Variants in NBAS observed in about 807,000 individuals in gnomAD.
NBAS encodes the protein NAG/BC035112 fusion.
A neutral mutation model predicts 302.5 loss-of-function variants in NBAS; 219 were observed. The ratio of observed to expected loss-of-function variants is 0.72; its 90% CI spans 0.65 to 0.81. NBAS has a LOEUF of 0.81. NBAS is among the 30% of genes least tolerant of loss of function. The pLI, the probability that NBAS is intolerant of heterozygous loss-of-function variation, is 0.00. For synonymous variants in NBAS, 1,118 were observed against 1,021.6 expected (o/e 1.09, Z -1.80); for missense variants, 2,932 against 2,841.6 (o/e 1.03, Z -0.72).
the NBAS span, among the ~76,000 whole-genome samples, chr2:14,867,406 C>CATAAT: frequency 6.6e-6 from 1 of 152,148 alleles, no homozygotes; most frequent in Non-Finnish European, 1.5e-5. Flanking sequence ...GGGGTAAGAC[C>CATAAT]TGAGCAATTG....
the NBAS span, among the ~76,000 whole-genome samples, chr2:15,065,025 A>G: frequency 6.6e-6 from 1 of 152,252 alleles, no homozygotes; most frequent in African/African-American, 2.4e-5. Context: ...AGAAAAAAGC[A>G]TTTGACAAAA....
Position 15,186,786 on chromosome 2 carries a change from T to C in NBAS, c.6667A>G (p.Met2223Val). The C allele has an allele frequency of 6.2e-7, 1 of 1,613,824 alleles. No homozygotes were observed. Among genetic ancestry groups the C allele is most frequent in the Non-Finnish European group, 8.5e-7 (1 of 1,179,950 alleles). ...TTGGTGTTATACAAAGAGCGACACA[T>C]TTTCAAAACTTCATTCCCCAATCCT... ...KEGLGNEVLK[M>V]CRSLYNTKQM... is the part of the protein sequence containing the mutation. The change falls in exon 50 of 52, where the codon ATG (methionine) becomes GTG (valine). Residue 2223 changes from methionine to valine, a missense_variant. Met to Val is a conservative substitution (Grantham distance 21). Transcript: ENST00000281513.
chr2:14,943,536 G>A, the NBAS span, among the ~76,000 whole-genome samples: 6 of 152,146 alleles, frequency 3.9e-5, no homozygotes, highest in African/African-American at 1.4e-4. Flanking sequence ...AACATTCAGG[G>A]TAATTTACAT....
the NBAS span, among the ~76,000 whole-genome samples, chr2:14,786,320 C>T: frequency 6.6e-6 from 1 of 151,968 alleles, no homozygotes; most frequent in South Asian, 2.1e-4. Flanking sequence ...TCTCTATTTC[C>T]TTCAGTTCTG....
At chr2:15,461,833 T>C (rs1341352209) in intron 19 of NBAS, 42 bp from the exon 20 acceptor site, 2 of 1,104,040 alleles carry the variant, frequency 1.8e-6, no homozygotes, top group Middle Eastern at 2.0e-4. Context: ...TGAAAAGGCT[T>C]TTAAATATGG....
chr2:15,133,912 C>A, the NBAS span, among the ~76,000 whole-genome samples: 1 of 152,046 alleles, frequency 6.6e-6, no homozygotes, highest in Non-Finnish European at 1.5e-5. Context: ...AGGGATCAGC[C>A]TTTAGACTTT....
intron 32 of NBAS, among the ~76,000 whole-genome samples, chr2:15,359,706 T>C (rs1306976312): frequency 2.0e-5 from 3 of 152,224 alleles, no homozygotes; most frequent in African/African-American, 4.8e-5. Flanking sequence ...AAAAAAATTG[T>C]GATTATCTTT....
At chr2:15,038,557 C>CTGGTG in the NBAS span, among the ~76,000 whole-genome samples, 1 of 152,180 alleles carries the variant, frequency 6.6e-6, no homozygotes, top group East Asian at 1.9e-4. Flanking sequence ...GCTCCTGCAC[C>CTGGTG]AGCCACAGAC....
chr2:15,216,751 G>A (rs140205687), intron 48 of NBAS, among the ~76,000 whole-genome samples: 2 of 152,286 alleles, frequency 1.3e-5, no homozygotes, highest in South Asian at 2.1e-4. Flanking sequence ...TAACATGTCA[G>A]GTAATATGGA....
chr2:14,889,395 A>G, the NBAS span, among the ~76,000 whole-genome samples: 2 of 152,230 alleles, frequency 1.3e-5, no homozygotes, highest in African/African-American at 4.8e-5. Context: ...TTTCTAAACC[A>G]ACTGACTCCA....
chr2:15,326,169 T>A (rs1018227340), intron 38 of NBAS, among the ~76,000 whole-genome samples: 1 of 152,170 alleles, frequency 6.6e-6, no homozygotes, highest in Non-Finnish European at 1.5e-5. Context: ...ACGAAAAAGT[T>A]TGAAATACTG....
rs757112883 is a variant in NBAS, at chr2:15,229,261, G to A, written c.6236+3161C>T. 4.4e-4 allele frequency among the ~76,000 whole-genome samples: 62 copies of A among 141,692 alleles called. 1 individual carries two copies. Among genetic ancestry groups the A allele is most frequent in the Non-Finnish European group, 6.0e-5 (4 of 66,420 alleles). The allele number at this position is 141,692 out of a possible 152,430, so 93.0% of individuals were successfully genotyped here. On this transcript the variant is annotated intron_variant, in intron 47 of 51. Coordinates refer to ENST00000281513, the MANE Select transcript of NBAS (RefSeq NM_015909.4). The stretch of plus-strand genomic sequence containing the variant: ...GGAGGCTGAGGCAGGAGAATCACTT[G>A]AACCCGGGGGCAGAGGTTGCAGTGA...
chr2:15,288,809 G>C (rs968143924), intron 41 of NBAS, among the ~76,000 whole-genome samples: 4 of 152,198 alleles, frequency 2.6e-5, no homozygotes, highest in Non-Finnish European at 5.9e-5. Flanking sequence ...CCAAGCTAAG[G>C]AAACCATGCC....
the NBAS span, among the ~76,000 whole-genome samples, chr2:15,067,614 A>G: frequency 0.58 from 87,813 of 151,870 alleles, 26,169 homozygotes; most frequent in East Asian, 0.69. Flanking sequence ...ACTTATATAA[A>G]GTATCTAAAA....
Position 15,556,691 on chromosome 2 carries a change from T to A in NBAS, c.209+92A>T, listed in dbSNP as rs2148717268. The A allele has an allele frequency of 2.5e-6, 3 of 1,211,622 alleles. No individual in the cohort carries two copies. The East Asian group carries it at 7.0e-5, about 28-fold the overall frequency. 75.1% of individuals were successfully genotyped at this position (1,211,622 alleles called of 1,614,324 possible). On this transcript the variant is annotated intron_variant, in intron 3 of 51. Transcript: ENST00000281513. ...CTGAATGTCAGCAACTTTATCATGA[T>A]CTAGAATTCAATTATGAAAACAAAT...
rs1332952059 is a variant in NBAS at position 15,533,719 on chromosome 2, T to C, written c.746+824A>G. On this transcript the variant is annotated intron_variant, in intron 9 of 51. Transcript: ENST00000281513. ...GTGTGTGTGTGTGTGTGTGTGTGTGTGTGTGTGTGTTCTAGTATAAAAATT... is the reference window on the plus strand; with the variant it reads ...GTGTGTGTGTGTGTGTGTGTGTGTGCGTGTGTGTGTTCTAGTATAAAAATT... 3.4e-5 allele frequency among the ~76,000 whole-genome samples: 5 copies of C among 145,196 alleles called. No individual in the cohort carries two copies. In the East Asian group the frequency reaches 9.8e-4, roughly 28 times the overall value.
At chr2:15,525,315 C>A (rs1348601431) in intron 9 of NBAS, among the ~76,000 whole-genome samples, 2 of 152,334 alleles carry the variant, frequency 1.3e-5, no homozygotes, top group East Asian at 1.9e-4. Flanking sequence ...GTAGTCTATA[C>A]TGACCCTCCT....
the NBAS span, among the ~76,000 whole-genome samples, chr2:15,058,573 C>T: frequency 1.3e-5 from 2 of 152,012 alleles, no homozygotes; most frequent in African/African-American, 2.4e-5. Flanking sequence ...TCAAGCCCAG[C>T]GTGACAATAT....
At chr2:15,179,337 C>A (rs147589839) in intron 50 of NBAS, 3 of 585,792 alleles carry the variant, frequency 5.1e-6, no homozygotes, top group East Asian at 6.3e-5. Flanking sequence ...AGATATTCAT[C>A]GACAATATTG....
Sources: gnomAD v4.1 joint callset for allele counts (sites outside exome capture counted in the v4.1 genomes callset) on GRCh38, gnomAD v4.1.1 for gene constraint, MANE v1.5 for transcripts, NCBI Gene and HGNC (gene_info 2026-07-23, HGNC 2026-07-21) for gene names.